ATG16L2: variants seen among roughly 807,000 people sequenced by gnomAD.
The protein encoded by ATG16L2 is autophagy related 16 like 2.
ATG16L2 carries 77 observed loss-of-function variants against 84.7 expected under a neutral mutation model. That is an observed-to-expected ratio of 0.91 (90% CI 0.76 to 1.10). The LOEUF (loss-of-function observed/expected upper bound fraction) is 1.10, where lower values mean the gene tolerates loss of function less well. ATG16L2 is among the 50% of genes least tolerant of loss of function. ATG16L2 has a pLI of 0.00. For missense variants in ATG16L2, 782 were observed against 817.6 expected (o/e 0.96, Z 0.53); for synonymous variants, 361 against 342.8 (o/e 1.05, Z -0.59).
At chr11:72,827,530 A>C (rs1200031533) in intron 14 of ATG16L2, among the ~76,000 whole-genome samples, 1 of 152,224 alleles carries the variant, frequency 6.6e-6, no homozygotes, top group African/African-American at 2.4e-5. Flanking sequence ...CTTGCAACCA[A>C]GATGGAGATG....
At position 72,824,793 on chromosome 11, in the gene ATG16L2, TC is replaced by T. The variant is rs1451988978; in HGVS notation, c.950del (p.Pro317LeufsTer43). Reference protein sequence around the residue: ...GGAPEQRYQIIPVCVAARLPT... With the variant: ...GGAPEQRYQIXPVCVAARLPT... ...GCCCCTGAGCAGCGATACCAGATCA[TC>T]CCTGTGTGTGTGGCTGCCCGACTTC... On this transcript the variant is annotated frameshift_variant, in exon 9 of 18. Coordinates refer to ENST00000321297, the MANE Select transcript of ATG16L2 (RefSeq NM_033388.2). LOFTEE classifies it high-confidence loss of function. 2 of 1,610,716 alleles carry T rather than the reference TC, an allele frequency of 1.2e-6. No homozygotes were observed. Among genetic ancestry groups the T allele is most frequent in the Non-Finnish European group, 1.7e-6 (2 of 1,178,442 alleles).
exon 6 of ATG16L2, chr11:72,843,595 A>T: frequency 1.9e-6 from 2 of 1,081,058 alleles, no homozygotes; most frequent in South Asian, 1.3e-5. Context: ...ATGTGAGCTG[A>T]TCATGACAAA....
chr11:72,828,233 G>C, intron 14 of ATG16L2, 126 bp from the exon 15 acceptor site: 1 of 1,074,166 alleles, frequency 9.3e-7, no homozygotes, highest in South Asian at 1.5e-5. Flanking sequence ...CTTTACCCCA[G>C]CGATCCAGGG....
chr11:72,826,380 C>A (rs1178993418), intron 11 of ATG16L2, 137 bp downstream of exon 11: 7 of 1,426,202 alleles, frequency 4.9e-6, no homozygotes, highest in Non-Finnish European at 6.7e-6. Context: ...AGATCCTCCT[C>A]CTTGGGCCGG....
At chr11:72,838,797 C>T in intron 5 of ATG16L2, 1 of 1,600,234 alleles carries the variant, frequency 6.2e-7, no homozygotes, top group Non-Finnish European at 8.5e-7. Flanking sequence ...ATCATCACAC[C>T]AGTGTGATTT....
At chr11:72,835,844 G>A (rs1187764225) in intron 5 of ATG16L2, among the ~76,000 whole-genome samples, 1 of 151,742 alleles carries the variant, frequency 6.6e-6, no homozygotes, top group Non-Finnish European at 1.5e-5. Flanking sequence ...TGCCTCGCAG[G>A]TTCAAGCGAT....
exon 6 of ATG16L2, chr11:72,843,532 C>G (rs1250694445): frequency 2.5e-6 from 4 of 1,612,004 alleles, no homozygotes; most frequent in Admixed American, 3.3e-5. Flanking sequence ...GGTTGAGAAG[C>G]CTGCAGTGTA....
intron 3 of ATG16L2, chr11:72,821,301 C>T (rs1428342684): frequency 9.7e-7 from 1 of 1,034,110 alleles, no homozygotes; most frequent in African/African-American, 1.7e-5. Context: ...ATTTGGCAGC[C>T]TCTGCGCGAG....
chr11:72,826,589 G>T lies in ATG16L2; in HGVS notation c.1245G>T (p.Lys415Asn), dbSNP rs373191976. The T allele has an allele frequency of 6.2e-7, 1 of 1,614,096 alleles. No homozygotes were observed. The highest frequency in any genetic ancestry group is 1.3e-5 in the African/African-American group (1 of 74,942). ...GGAAGGTGGGGGAGGCACAGTCCAA[G>T]GTGAGGCCTGACTGGGGAGGCTGCC... ...QLWKVGEAQS[K>N]ETLSGHKDKV... The change falls in exon 12 of 18, where the codon AAG (lysine) becomes AAT (asparagine). Residue 415 changes from lysine to asparagine, a missense_variant and splice_region_variant. By Grantham distance (94) the Lys-to-Asn change is moderately conservative. Transcript: ENST00000321297.
intron 12 of ATG16L2, 53 bp downstream of exon 12, chr11:72,826,642 T>A (rs1195906122): frequency 6.2e-6 from 10 of 1,613,956 alleles, no homozygotes; most frequent in Non-Finnish European, 8.5e-7. Flanking sequence ...ACCTCAGGAC[T>A]AGGGGGCCTG....
At chr11:72,835,744 C>A (rs1458191628) in intron 5 of ATG16L2, among the ~76,000 whole-genome samples, 1 of 151,176 alleles carries the variant, frequency 6.6e-6, no homozygotes, top group Non-Finnish European at 1.5e-5. Flanking sequence ...TATACTGGAA[C>A]ATATTTTTTT....
chr11:72,840,834 G>A (rs1860902870), intron 5 of ATG16L2: 3 of 1,384,168 alleles, frequency 2.2e-6, no homozygotes, highest in African/African-American at 1.4e-5. Context: ...TTTCAATTTG[G>A]AAGAACTATG....
intron 13 of ATG16L2, 141 bp from the exon 14 acceptor site, chr11:72,827,047 G>T: frequency 1.2e-6 from 1 of 839,262 alleles, no homozygotes; most frequent in Non-Finnish European, 1.9e-6. Context: ...ACGTGGGTGA[G>T]CCCTGTGCTG....
chr11:72,817,721 G>A lies in ATG16L2; in HGVS notation c.219-35G>A, dbSNP rs369494820. 107 of 1,606,022 alleles carry A rather than the reference G, an allele frequency of 6.7e-5. 1 individual carries two copies. The highest frequency in any genetic ancestry group is 5.0e-4 in the Middle Eastern group (3 of 6,054). ...GTGCCTTTGGGCACTTGGGTGAACC[G>A]GGGGACATTGAGCACCACTCTGATT... is the stretch of plus-strand genomic sequence containing the variant. On this transcript the variant is annotated intron_variant, in intron 2 of 17. Coordinates refer to ENST00000321297, the MANE Select transcript of ATG16L2 (RefSeq NM_033388.2).
intron 2 of ATG16L2, among the ~76,000 whole-genome samples, chr11:72,817,510 C>T (rs1041530490): frequency 2.0e-5 from 3 of 152,212 alleles, no homozygotes; most frequent in Non-Finnish European, 4.4e-5. Flanking sequence ...TGAGCCACCA[C>T]GCCTGACTGG....
At chr11:72,826,029 A>G in intron 10 of ATG16L2, 144 bp from the exon 11 acceptor site, 1 of 667,750 alleles carries the variant, frequency 1.5e-6, no homozygotes, top group South Asian at 1.9e-5. Flanking sequence ...CCAGGCCCGC[A>G]GAACAGACCC....
Position 72,824,055 on chromosome 11 carries a change from C to A in ATG16L2, c.825-5C>A. ...CTTAGCATATCTCTCTTGGTTTTGT[C>A]TCAGGTCTGCCTCAGCCACCTCCCT... On this transcript the variant is annotated splice_polypyrimidine_tract_variant and splice_region_variant and intron_variant, in intron 7 of 17. Coordinates refer to ENST00000321297, the MANE Select transcript of ATG16L2 (RefSeq NM_033388.2). The A allele has an allele frequency of 6.2e-7, 1 of 1,614,248 alleles. No homozygotes were observed. Among genetic ancestry groups the A allele is most frequent in the African/African-American group, 1.3e-5 (1 of 75,078 alleles).
intron 5 of ATG16L2, among the ~76,000 whole-genome samples, chr11:72,841,144 G>C (rs1406230395): frequency 1.3e-5 from 2 of 151,940 alleles, no homozygotes; most frequent in Non-Finnish European, 2.9e-5. Flanking sequence ...CTCCAGCCTG[G>C]GTGACAGAAT....
intron 5 of ATG16L2, chr11:72,838,530 G>A: frequency 1.9e-6 from 1 of 523,624 alleles, no homozygotes; most frequent in Non-Finnish European, 3.5e-6. Context: ...AGGCATGAGG[G>A]CTGCCCCCCT....
Sources: gnomAD v4.1 joint callset for allele counts (sites outside exome capture counted in the v4.1 genomes callset) on GRCh38, gnomAD v4.1.1 for gene constraint, MANE v1.5 for transcripts, NCBI Gene and HGNC (gene_info 2026-07-23, HGNC 2026-07-21) for gene names.